The following ARL15 variants were observed in gnomAD, a reference collection of about 807,000 sequenced individuals.
ARL15 encodes ADP-ribosylation factor-like protein 15.
In ARL15, 19 loss-of-function variants were observed where a neutral mutation model predicts 25.2. That is an observed-to-expected ratio of 0.75 (90% CI 0.53 to 1.10). The LOEUF is 1.10. ARL15 is among the 50% of genes least tolerant of loss of function. The probability of loss-of-function intolerance (pLI) is 0.00; values close to 1 mark genes in which losing one functional copy is unlikely to be tolerated. For missense variants in ARL15, 220 were observed against 246.0 expected, an observed-to-expected ratio of 0.89 and a Z score of 0.71; for synonymous variants, 94 against 86.8, an observed-to-expected ratio of 1.08 and a Z score of -0.46.
chr5:54,248,040 A>T (rs1757135322), intron 1 of ARL15, among the ~76,000 whole-genome samples: 1 of 152,040 alleles, frequency 6.6e-6, no homozygotes, highest in Non-Finnish European at 1.5e-5. Flanking sequence ...AAAAATTAAG[A>T]ACAATAAAGG....
intron 4 of ARL15, among the ~76,000 whole-genome samples, chr5:54,086,329 T>G (rs1057462245): frequency 3.9e-5 from 6 of 152,172 alleles, no homozygotes; most frequent in Non-Finnish European, 7.3e-5. Flanking sequence ...CCCCTTTAAT[T>G]GCTTATTAGT....
intron 4 of ARL15, among the ~76,000 whole-genome samples, chr5:53,934,375 TA>T (rs1414982975): frequency 6.6e-6 from 1 of 151,974 alleles, no homozygotes; most frequent in Non-Finnish European, 1.5e-5. Flanking sequence ...CATACCAACT[TA>T]AAAGCATGAT....
Position 54,113,334 on chromosome 5 carries a change from G to A in ARL15, c.330C>T (p.Ala110=), listed in dbSNP as rs769056938. 1.2e-5 allele frequency: 20 copies of A among 1,613,838 alleles called. No homozygotes were observed. The highest frequency in any genetic ancestry group is 1.5e-5 in the Non-Finnish European group (18 of 1,179,882). ...CAGCTTCTAAATCATCCTCTGAAGA[G>A]GCACTGTCTAATACAAATATTACCC... ...SQGVIFVLDS[A]SSEDDLEAAR... The change falls in exon 4 of 5, where the codon GCC becomes GCT. Residue 110 remains alanine, a synonymous_variant. Transcript: ENST00000504924.
intron 4 of ARL15, among the ~76,000 whole-genome samples, chr5:54,057,996 ATTT>A (rs1750931386): frequency 9.2e-6 from 1 of 108,258 alleles, no homozygotes; most frequent in African/African-American, 3.9e-5. Context: ...GCCTTTATTT[ATTT>A]ATTTATTTAT....
At chr5:53,897,440 T>C (rs1744909849) in intron 4 of ARL15, among the ~76,000 whole-genome samples, 1 of 152,246 alleles carries the variant, frequency 6.6e-6, no homozygotes, top group African/African-American at 2.4e-5. Context: ...TTTTTACGGC[T>C]GAATAATATT....
intron 4 of ARL15, among the ~76,000 whole-genome samples, chr5:53,913,619 CAAG>C (rs1369800270): frequency 2.0e-5 from 3 of 152,144 alleles, no homozygotes; most frequent in African/African-American, 7.2e-5. Flanking sequence ...ATAATAATGA[CAAG>C]AACAATAATA....
rs559651024 is a variant in ARL15 at position 53,908,282 on chromosome 5, C to A, written c.463-21569G>T. ...AGTATCTATAGCAGGCCTTCTGTAT[C>A]CATGGGTTCCACATCTGTGGATTCA... On this transcript the variant is annotated intron_variant, in intron 4 of 4. Coordinates refer to ENST00000504924, the MANE Select transcript of ARL15 (RefSeq NM_019087.3). Among the ~76,000 whole-genome samples, 335 of 152,142 alleles carry A rather than the reference C, an allele frequency of 2.2e-3. 1 individual carries two copies. The highest frequency in any genetic ancestry group is 2.7e-3 in the Admixed American group (41 of 15,268).
intron 3 of ARL15, among the ~76,000 whole-genome samples, chr5:54,153,854 A>G (rs913990462): frequency 3.3e-5 from 5 of 152,230 alleles, no homozygotes; most frequent in Admixed American, 2.6e-4. Context: ...GGTAAGGCCA[A>G]TATCACAAAG....
Position 54,310,322 on chromosome 5 carries a change from G to A in ARL15, c.48+110C>T, listed in dbSNP as rs1486534525. The A allele has an allele frequency of 2.4e-6, 3 of 1,257,406 alleles. No individual in the cohort carries two copies. The African/African-American group carries it at 4.6e-5, about 19-fold the overall frequency. The allele number at this position is 1,257,406 out of a possible 1,614,324, so 77.9% of individuals were successfully genotyped here. ...GCCGGCTGCGGGAGAAAGAACCCCA[G>A]AGGCATCCTATCCCAAAGAAAGAAA... On this transcript the variant is annotated intron_variant, in intron 1 of 4. Transcript: ENST00000504924.
chr5:54,201,212 G>T (rs1452641077), intron 1 of ARL15, among the ~76,000 whole-genome samples: 1 of 151,900 alleles, frequency 6.6e-6, no homozygotes, highest in African/African-American at 2.4e-5. Context: ...TTTCCCAGGT[G>T]CACCTCTTTC....
chr5:54,034,128 G>A (rs1023213331), intron 4 of ARL15, among the ~76,000 whole-genome samples: 4 of 152,138 alleles, frequency 2.6e-5, no homozygotes, highest in African/African-American at 9.7e-5. Flanking sequence ...TCTGTCTTAG[G>A]TTGTCTTGTC....
intron 4 of ARL15, among the ~76,000 whole-genome samples, chr5:53,963,471 AT>A (rs753463829): frequency 6.6e-6 from 1 of 152,184 alleles, no homozygotes; most frequent in Non-Finnish European, 1.5e-5. Flanking sequence ...TAAAAAATAA[AT>A]TCATACAAAA....
At chr5:53,945,808 C>T (rs1746706753) in intron 4 of ARL15, among the ~76,000 whole-genome samples, 1 of 152,058 alleles carries the variant, frequency 6.6e-6, no homozygotes, top group African/African-American at 2.4e-5. Context: ...GTTCTCATTC[C>T]ACTAACCATA....
intron 1 of ARL15, among the ~76,000 whole-genome samples, chr5:54,275,489 C>T (rs988669228): frequency 6.6e-6 from 1 of 152,010 alleles, no homozygotes; most frequent in Admixed American, 6.6e-5. Flanking sequence ...ACTACTTGGC[C>T]TCCACTTTCC....
intron 4 of ARL15, among the ~76,000 whole-genome samples, chr5:53,997,891 A>G (rs1748732694): frequency 6.6e-6 from 1 of 152,176 alleles, no homozygotes; most frequent in African/African-American, 2.4e-5. Context: ...AGCCTGATGT[A>G]AACTTTGCAA....
chr5:54,207,263 G>C (rs550627549), intron 1 of ARL15, among the ~76,000 whole-genome samples: 1 of 152,186 alleles, frequency 6.6e-6, no homozygotes, highest in Non-Finnish European at 1.5e-5. Flanking sequence ...GGGAGACTAA[G>C]AGAATTTTAA....
At chr5:54,108,463 T>G (rs1752649973) in intron 4 of ARL15, among the ~76,000 whole-genome samples, 2 of 152,098 alleles carry the variant, frequency 1.3e-5, no homozygotes, top group Admixed American at 1.3e-4. Context: ...CTCTTAAGAT[T>G]TAGAGTATAT....
intron 4 of ARL15, among the ~76,000 whole-genome samples, chr5:53,945,954 G>A (rs1001177623): frequency 2.0e-5 from 3 of 152,190 alleles, no homozygotes; most frequent in Non-Finnish European, 2.9e-5. Context: ...CTGAAGTGGA[G>A]ACACCACAGG....
chr5:54,236,442 A>ACC (rs1159548370), intron 1 of ARL15, among the ~76,000 whole-genome samples: 1 of 151,482 alleles, frequency 6.6e-6, no homozygotes, highest in Non-Finnish European at 1.5e-5. Flanking sequence ...ACACACACAC[A>ACC]CACAAATCAG....
Sources: allele counts gnomAD v4.1 joint callset (sites outside exome capture counted in the v4.1 genomes callset), GRCh38; gene constraint gnomAD v4.1.1; transcripts MANE v1.5; gene names NCBI Gene and HGNC (gene_info 2026-07-23, HGNC 2026-07-21).